The following PDE11A variants were observed in gnomAD, a reference collection of about 807,000 sequenced individuals.
The protein encoded by PDE11A is dual 3',5'-cyclic-AMP and -GMP phosphodiesterase 11A.
PDE11A carries 100 observed loss-of-function variants against 100.5 expected under a neutral mutation model. The observed-to-expected ratio is 1.00, with a 90% CI of 0.85 to 1.18. The LOEUF is 1.18. PDE11A is among the 50% of genes most tolerant of loss of function. PDE11A has a pLI of 0.00. For synonymous variants in PDE11A, 381 were observed against 420.8 expected, an observed-to-expected ratio of 0.91 and a Z score of 1.16; for missense variants, 1,141 against 1,152.6, an observed-to-expected ratio of 0.99 and a Z score of 0.15.
intron 5 of PDE11A, among the ~76,000 whole-genome samples, chr2:177,857,105 C>G (rs2083847827): frequency 6.6e-6 from 1 of 151,906 alleles, no homozygotes; most frequent in Non-Finnish European, 1.5e-5. Context: ...ATTAATATCT[C>G]CATGATCAGA....
At chr2:177,690,010 G>A (rs1409029934) in intron 15 of PDE11A, among the ~76,000 whole-genome samples, 6 of 152,210 alleles carry the variant, frequency 3.9e-5, no homozygotes, top group Middle Eastern at 6.8e-3. Context: ...GGTAAGAACC[G>A]TGTCCTATCT....
intron 5 of PDE11A, among the ~76,000 whole-genome samples, chr2:177,845,728 C>G (rs2105636377): frequency 6.6e-6 from 1 of 152,302 alleles, no homozygotes; most frequent in African/African-American, 2.4e-5. Context: ...CACTGCACTC[C>G]AGCCTGGGCA....
chr2:177,894,488 C>G (rs529307132), intron 4 of PDE11A, among the ~76,000 whole-genome samples: 1 of 152,104 alleles, frequency 6.6e-6, no homozygotes, highest in South Asian at 2.1e-4. Flanking sequence ...ACTGAACAGA[C>G]CCCCTCTTGG....
intron 13 of PDE11A, among the ~76,000 whole-genome samples, chr2:177,703,484 C>G (rs1019105228): frequency 6.6e-6 from 1 of 152,126 alleles, no homozygotes; most frequent in African/African-American, 2.4e-5. Flanking sequence ...TCCATTTTTA[C>G]TAAGCTGATT....
chr2:177,766,661 A>G (rs2082244163), intron 10 of PDE11A, among the ~76,000 whole-genome samples: 1 of 152,194 alleles, frequency 6.6e-6, no homozygotes, highest in Non-Finnish European at 1.5e-5. Flanking sequence ...TTCACTGTCT[A>G]TGTGCAGGAT....
intron 4 of PDE11A, among the ~76,000 whole-genome samples, chr2:177,896,971 T>A (rs1019905638): frequency 6.6e-6 from 1 of 152,172 alleles, no homozygotes; most frequent in Non-Finnish European, 1.5e-5. Context: ...GAAACACTCC[T>A]AAACATTTTA....
At chr2:178,077,685 G>T (rs995821654), upstream of PDE11A, among the ~76,000 whole-genome samples, 3 of 152,162 alleles carry the variant, frequency 2.0e-5, no homozygotes, top group Admixed American at 6.5e-5. Context: ...TGGGAAGAGG[G>T]TCTTTGCAGA....
chr2:178,080,986 C>T (rs754344721), intron 2 of PDE11A, among the ~76,000 whole-genome samples: 1 of 152,036 alleles, frequency 6.6e-6, no homozygotes, highest in Non-Finnish European at 1.5e-5. Flanking sequence ...CAGAATTTAT[C>T]TTTCCAAAAT....
At chr2:178,070,184 A>C (rs950955696) in intron 1 of PDE11A, among the ~76,000 whole-genome samples, 11 of 152,240 alleles carry the variant, frequency 7.2e-5, no homozygotes, top group African/African-American at 2.7e-4. Context: ...TGCTTCACCT[A>C]CACCTTTTAA....
intron 2 of PDE11A, among the ~76,000 whole-genome samples, chr2:177,932,870 GT>G (rs1403857984): frequency 3.5e-4 from 53 of 151,346 alleles, no homozygotes; most frequent in African/African-American, 1.2e-3. Context: ...AAAAGAAGAA[GT>G]CAAACTATCT....
In PDE11A at chr2:177,744,100, G is replaced by A. The variant is rs367827280; in HGVS notation, c.1789-15928C>T. ...GAGACTTAAAAGTCAAGACCAAATG[G>A]GGACTCCAGTTCAGGAAACAGAGGG... On this transcript the variant is annotated intron_variant, in intron 10 of 19. Coordinates refer to ENST00000286063, the MANE Select transcript of PDE11A (RefSeq NM_016953.4). Among the ~76,000 whole-genome samples the A allele has an allele frequency of 1.3e-4, 20 of 152,290 alleles. No homozygotes were observed. The South Asian group carries it at 1.5e-3, about 11-fold the overall frequency.
intron 4 of PDE11A, among the ~76,000 whole-genome samples, chr2:177,896,884 G>A (rs1188963593): frequency 6.6e-6 from 1 of 152,042 alleles, no homozygotes; most frequent in Non-Finnish European, 1.5e-5. Flanking sequence ...ACAATCACAG[G>A]ATACTTTCCA....
intron 9 of PDE11A, among the ~76,000 whole-genome samples, chr2:177,813,446 G>GA (rs1165689176): frequency 6.6e-6 from 1 of 152,000 alleles, no homozygotes; most frequent in Non-Finnish European, 1.5e-5. Context: ...CTGTTTGGGA[G>GA]AAAAAAATAA....
chr2:177,900,714 C>T, intron 3 of PDE11A, among the ~76,000 whole-genome samples: 1 of 151,858 alleles, frequency 6.6e-6, no homozygotes, highest in East Asian at 1.9e-4. Context: ...GCTGAGATCA[C>T]GCCACTGCAC....
intron 15 of PDE11A, chr2:177,687,758 C>T (rs1241249812): frequency 6.6e-6 from 1 of 152,026 alleles, no homozygotes; most frequent in Admixed American, 6.6e-5. Flanking sequence ...TTTGAATTTT[C>T]ATTATAGTTA....
intron 2 of PDE11A, among the ~76,000 whole-genome samples, chr2:177,984,447 C>A (rs921807505): frequency 2.0e-5 from 3 of 152,150 alleles, no homozygotes; most frequent in Non-Finnish European, 2.9e-5. Context: ...TAGGTTATAT[C>A]TGTGCCTCCT....
At chr2:178,042,194 C>T (rs1179862871) in intron 1 of PDE11A, among the ~76,000 whole-genome samples, 2 of 152,108 alleles carry the variant, frequency 1.3e-5, no homozygotes, top group East Asian at 3.8e-4. Context: ...AAAATTCATC[C>T]TAAGGCTGGG....
At position 177,697,346 on chromosome 2, in the gene PDE11A, G is replaced by A; in HGVS notation, c.2331C>T (p.Leu777=). The A allele has an allele frequency of 6.5e-7, 1 of 1,549,588 alleles. No individual in the cohort carries two copies. The highest frequency in any genetic ancestry group is 8.9e-7 in the Non-Finnish European group (1 of 1,121,290). The stretch of plus-strand genomic sequence containing the variant: ...CCAATACCTACTCAAAGTACAGCGT[G>A]AGGTCTGTTGCCAATATTGACTGCT... ...LLKQSILATD[L]TLYFERRTEF... is the part of the protein sequence containing the mutation. The change falls in exon 15 of 20, where the codon CTC becomes CTT. Residue 777 remains leucine, a synonymous_variant. Transcript: ENST00000286063.
At chr2:178,026,093 C>A (rs1341889306) in intron 1 of PDE11A, among the ~76,000 whole-genome samples, 2 of 151,614 alleles carry the variant, frequency 1.3e-5, no homozygotes, top group Non-Finnish European at 2.9e-5. Context: ...CTTGGTCTCA[C>A]CCATTCATCA....
Sources: gnomAD v4.1 joint callset for allele counts (sites outside exome capture counted in the v4.1 genomes callset) on GRCh38, gnomAD v4.1.1 for gene constraint, MANE v1.5 for transcripts, NCBI Gene and HGNC (gene_info 2026-07-23, HGNC 2026-07-21) for gene names.